Variants in PHTF2 observed in about 807,000 individuals in gnomAD.
PHTF2 encodes protein PHTF2.
PHTF2 carries 60 observed loss-of-function variants against 101.2 expected under a neutral mutation model. The observed-to-expected ratio is 0.59, with a 90% confidence interval of 0.48 to 0.73. PHTF2 has a LOEUF of 0.73. PHTF2 is among the 30% of genes least tolerant of loss of function. The probability of loss-of-function intolerance (pLI) is 0.00; values close to 1 mark genes in which losing one functional copy is unlikely to be tolerated. For synonymous variants in PHTF2, 311 were observed against 307.3 expected, an observed-to-expected ratio of 1.01 and a Z score of -0.13; for missense variants, 747 against 908.7, an observed-to-expected ratio of 0.82 and a Z score of 2.29.
chr7:77,872,936 CT>C (rs1253010205), intron 3 of PHTF2, among the ~76,000 whole-genome samples: 74 of 146,410 alleles, frequency 5.1e-4, no homozygotes, highest in East Asian at 8.0e-4. Flanking sequence ...CTATTAGAAC[CT>C]TTTTTTTTTT....
chr7:77,926,743 C>T (rs961646872), intron 11 of PHTF2, among the ~76,000 whole-genome samples: 9 of 151,512 alleles, frequency 5.9e-5, no homozygotes, highest in Admixed American at 1.3e-4. Flanking sequence ...CTGAGGTGGG[C>T]GGATCCCTTG....
chr7:77,935,324 G>A (rs1235563411), intron 12 of PHTF2, among the ~76,000 whole-genome samples: 1 of 138,002 alleles, frequency 7.2e-6, no homozygotes, highest in East Asian at 2.5e-4. Flanking sequence ...CCGGGTTCAC[G>A]CCATTCTCTT....
rs536966733 is a variant in PHTF2, at chr7:77,912,710, C to CT, written c.776+2340dup. On this transcript the variant is annotated intron_variant, in intron 9 of 19. Coordinates refer to ENST00000416283, the Ensembl canonical transcript of PHTF2. ...TCTCACTGCACACTGAGAGAACCAC[C>CT]TTTTTTTTTTTTTTTTTTTTTTTTT... Among the ~76,000 whole-genome samples, 34 of 80,464 alleles carry CT rather than the reference C, an allele frequency of 4.2e-4. 10 individuals are homozygous for CT. The highest frequency in any genetic ancestry group is 6.9e-4 in the Non-Finnish European group (29 of 41,786). The allele number at this position is 80,464 out of a possible 152,430, so 52.8% of individuals were successfully genotyped here. A position where few individuals can be genotyped will look rare whatever the true frequency, so the allele number is the denominator to read the frequency against.
chr7:77,866,269 A>G (rs111742750), intron 3 of PHTF2, among the ~76,000 whole-genome samples: 23 of 152,226 alleles, frequency 1.5e-4, no homozygotes, highest in Admixed American at 1.4e-3. Context: ...TGATGTTAAT[A>G]AGTATTAGGA....
intron 3 of PHTF2, among the ~76,000 whole-genome samples, chr7:77,870,431 C>T (rs1001832217): frequency 5.3e-5 from 8 of 152,208 alleles, no homozygotes; most frequent in East Asian, 1.9e-4. Flanking sequence ...ACTTGGAATC[C>T]GCTGTTCAAG....
intron 9 of PHTF2, among the ~76,000 whole-genome samples, chr7:77,911,104 C>T (rs1257585050): frequency 1.3e-5 from 2 of 151,998 alleles, no homozygotes; most frequent in Non-Finnish European, 2.9e-5. Flanking sequence ...GGCATTGTTA[C>T]TTAAGTGAAT....
chr7:77,902,435 G>T (rs1801484521), intron 7 of PHTF2, among the ~76,000 whole-genome samples: 1 of 152,190 alleles, frequency 6.6e-6, no homozygotes, highest in East Asian at 1.9e-4. Context: ...TATAGACGTG[G>T]GACCTGAAAG....
chr7:77,814,078 T>C (rs1163241823), intron 1 of PHTF2, among the ~76,000 whole-genome samples: 1 of 152,208 alleles, frequency 6.6e-6, no homozygotes, highest in Non-Finnish European at 1.5e-5. Flanking sequence ...GAAACACAAT[T>C]CAGTCCTCAT....
chr7:77,893,656 G>T lies in PHTF2; in HGVS notation c.196G>T (p.Glu66Ter). Residue 66 changes from glutamate (E) to a stop codon, truncating the protein, a stop_gained, in exon 4 of 20, where the codon GAA becomes TAA. Coordinates refer to ENST00000416283, the Ensembl canonical transcript of PHTF2. LOFTEE classifies it high-confidence loss of function. ...ATGGGAAAAATCTGTTGAACAGAGA[G>T]AAATCAAGGTAAGGAGTTTATTTCA... The T allele has an allele frequency of 7.3e-7, 1 of 1,363,444 alleles. No individual in the cohort carries two copies. Among genetic ancestry groups the T allele is most frequent in the Non-Finnish European group, 1.0e-6 (1 of 966,748 alleles). The allele number at this position is 1,363,444 out of a possible 1,614,324, so 84.5% of individuals were successfully genotyped here. A position where few individuals can be genotyped will look rare whatever the true frequency, so the allele number is the denominator to read the frequency against.
intron 12 of PHTF2, among the ~76,000 whole-genome samples, chr7:77,935,132 CA>C (rs200447156): frequency 0.032 from 598 of 18,604 alleles, 7 homozygotes; most frequent in Admixed American, 0.11. Context: ...CCCCCCCCCA[CA>C]CACACACACA....
At chr7:77,824,621 C>T (rs1794566592) in intron 1 of PHTF2, among the ~76,000 whole-genome samples, 1 of 152,142 alleles carries the variant, frequency 6.6e-6, no homozygotes, top group African/African-American at 2.4e-5. Flanking sequence ...GATGTTTCAC[C>T]ATGATGGCCA....
chr7:77,925,311 A>G, intron 11 of PHTF2, among the ~76,000 whole-genome samples: 1 of 152,164 alleles, frequency 6.6e-6, no homozygotes. Context: ...AGGCGTCTAA[A>G]GATTTGACAT....
At chr7:77,872,119 C>T (rs1270629814) in intron 3 of PHTF2, among the ~76,000 whole-genome samples, 1 of 152,226 alleles carries the variant, frequency 6.6e-6, no homozygotes, top group African/African-American at 2.4e-5. Flanking sequence ...GCAATGGCTG[C>T]AGCCAGATCA....
At chr7:77,845,821 C>T (rs1246454145) in intron 2 of PHTF2, among the ~76,000 whole-genome samples, 6 of 152,278 alleles carry the variant, frequency 3.9e-5, no homozygotes, top group African/African-American at 9.6e-5. Flanking sequence ...TGGATTCTTT[C>T]GCAGGTAAGA....
chr7:77,854,251 C>T (rs1796987613), intron 2 of PHTF2, among the ~76,000 whole-genome samples: 1 of 152,158 alleles, frequency 6.6e-6, no homozygotes, highest in South Asian at 2.1e-4. Flanking sequence ...GGAAGACTCC[C>T]TGGATTGTCA....
At chr7:77,941,823 C>G (rs1272703466) in intron 15 of PHTF2, among the ~76,000 whole-genome samples, 1 of 152,132 alleles carries the variant, frequency 6.6e-6, no homozygotes, top group Non-Finnish European at 1.5e-5. Context: ...CAGTCTGCCA[C>G]CAGTGATCAT....
chr7:77,841,708 T>C (rs553443428), intron 2 of PHTF2, among the ~76,000 whole-genome samples: 1 of 152,358 alleles, frequency 6.6e-6, no homozygotes, highest in South Asian at 2.1e-4. Context: ...GAAGTATTGA[T>C]ATTGATATAC....
chr7:77,855,278 G>A (rs566039675), intron 3 of PHTF2, among the ~76,000 whole-genome samples: 7 of 152,312 alleles, frequency 4.6e-5, no homozygotes, highest in Admixed American at 2.0e-4. Flanking sequence ...CTACAGCCTC[G>A]AATGGGCACT....
At chr7:77,849,594 T>C (rs1041054177) in intron 2 of PHTF2, among the ~76,000 whole-genome samples, 2 of 152,240 alleles carry the variant, frequency 1.3e-5, no homozygotes, top group African/African-American at 4.8e-5. Context: ...TCTATTTCTC[T>C]GAAGAATGTC....
Sources: allele counts gnomAD v4.1 joint callset (sites outside exome capture counted in the v4.1 genomes callset), GRCh38; gene constraint gnomAD v4.1.1; transcripts MANE v1.5; gene names NCBI Gene and HGNC (gene_info 2026-07-23, HGNC 2026-07-21).